WDR7: variants seen among roughly 807,000 people sequenced by gnomAD.
The protein encoded by WDR7 is WD repeat-containing protein 7.
Under a neutral mutation model 169.4 loss-of-function variants are expected in WDR7, and 46 were observed. The ratio of observed to expected loss-of-function variants is 0.27; its 90% confidence interval spans 0.21 to 0.35. The LOEUF is 0.35. WDR7 is among the 10% of genes least tolerant of loss of function. The pLI is 1.00. For missense variants in WDR7, 1,534 were observed against 1,859.3 expected, an observed-to-expected ratio of 0.83 and a Z score of 3.22; for synonymous variants, 612 against 666.8, an observed-to-expected ratio of 0.92 and a Z score of 1.27.
chr18:56,720,106 A>G (rs2026287731), intron 13 of WDR7, among the ~76,000 whole-genome samples: 1 of 152,208 alleles, frequency 6.6e-6, no homozygotes, highest in South Asian at 2.1e-4. Flanking sequence ...TATTAAAGAA[A>G]GTTCTTATAG....
chr18:56,953,247 C>A (rs763028797), intron 25 of WDR7, among the ~76,000 whole-genome samples: 6 of 152,004 alleles, frequency 3.9e-5, no homozygotes, highest in African/African-American at 1.5e-4. Context: ...ACTCAGTATA[C>A]TTATTAAAGA....
chr18:56,954,449 G>C (rs1186583480), intron 25 of WDR7, among the ~76,000 whole-genome samples: 1 of 151,964 alleles, frequency 6.6e-6, no homozygotes, highest in African/African-American at 2.4e-5. Context: ...AATTTTAAAA[G>C]AAGCTAGCAA....
At chr18:56,864,760 T>G (rs1239049025) in intron 20 of WDR7, among the ~76,000 whole-genome samples, 1 of 151,874 alleles carries the variant, frequency 6.6e-6, no homozygotes, top group Non-Finnish European at 1.5e-5. Context: ...TGAATAGCAT[T>G]GATAAAGGAA....
intron 13 of WDR7, among the ~76,000 whole-genome samples, chr18:56,729,313 T>G (rs1316215466): frequency 6.6e-6 from 1 of 152,170 alleles, no homozygotes; most frequent in Admixed American, 6.5e-5. Flanking sequence ...TTTAAAAACA[T>G]AATATGATAT....
At chr18:56,994,016 CT>C (rs35579782) in intron 26 of WDR7, among the ~76,000 whole-genome samples, 66,081 of 128,722 alleles carry the variant, frequency 0.51, 14,182 homozygotes, top group Middle Eastern at 0.67. Flanking sequence ...CTTTTTTTTT[CT>C]TTTTTTTTTT....
In WDR7 at chr18:56,706,509, G is replaced by A. The variant is rs2025958746; in HGVS notation, c.1578+10047G>A. On this transcript the variant is annotated intron_variant, in intron 12 of 27. Coordinates refer to ENST00000254442, the MANE Select transcript of WDR7 (RefSeq NM_015285.3). Reference sequence around the variant, plus strand: ...TAGCCACAATTTCTGTGAAGTGTTGGTTTAAGGTTTAGAAGTAACGCTTGG... The same window carrying A: ...TAGCCACAATTTCTGTGAAGTGTTGATTTAAGGTTTAGAAGTAACGCTTGG... 2.0e-5 allele frequency among the ~76,000 whole-genome samples: 3 copies of A among 152,176 alleles called. No homozygotes were observed. The South Asian group carries it at 6.2e-4, about 32-fold the overall frequency.
intron 27 of WDR7, among the ~76,000 whole-genome samples, chr18:57,024,784 T>C (rs867097341): frequency 3.0e-4 from 35 of 115,648 alleles, no homozygotes; most frequent in South Asian, 8.8e-4. Context: ...ATGTCCCTTA[T>C]AGAATTTCAC....
In WDR7 at chr18:56,811,056, C is replaced by T. The variant is rs184250120; in HGVS notation, c.3191-4975C>T. On this transcript the variant is annotated intron_variant, in intron 19 of 27. Transcript: ENST00000254442. ...GAATCATAAGGCATGTAATGTTTTGCGACTTCTTTTATTTAGCGTTAAAAT... is the reference window on the plus strand; with the variant it reads ...GAATCATAAGGCATGTAATGTTTTGTGACTTCTTTTATTTAGCGTTAAAAT... Among the ~76,000 whole-genome samples, 995 of 152,190 alleles carry T rather than the reference C, an allele frequency of 6.5e-3. 10 individuals carry two copies. The highest frequency in any genetic ancestry group is 0.022 in the African/African-American group (911 of 41,534).
chr18:56,732,291 G>A (rs2144810542), intron 14 of WDR7, among the ~76,000 whole-genome samples: 1 of 152,260 alleles, frequency 6.6e-6, no homozygotes. Flanking sequence ...GCACTAGTTT[G>A]TCTCTAGTAA....
chr18:56,659,276 C>A (rs1478855821), intron 1 of WDR7, among the ~76,000 whole-genome samples: 1 of 152,122 alleles, frequency 6.6e-6, no homozygotes, highest in Non-Finnish European at 1.5e-5. Context: ...AAGAAACTGC[C>A]CTGTGAAATC....
chr18:56,955,986 C>T (rs1347155389), intron 25 of WDR7, among the ~76,000 whole-genome samples: 1 of 152,104 alleles, frequency 6.6e-6, no homozygotes, highest in African/African-American at 2.4e-5. Flanking sequence ...CCTGGATAGC[C>T]CAGGAAACAT....
intron 25 of WDR7, among the ~76,000 whole-genome samples, chr18:56,951,636 C>T (rs913830492): frequency 1.3e-5 from 2 of 151,974 alleles, no homozygotes; most frequent in African/African-American, 4.8e-5. Context: ...TATATACACA[C>T]GTGATGTATA....
intron 20 of WDR7, among the ~76,000 whole-genome samples, chr18:56,842,330 C>A (rs570167511): frequency 1.3e-5 from 1 of 78,444 alleles, no homozygotes; most frequent in Non-Finnish European, 2.8e-5. Context: ...ATGTAAGGGT[C>A]GGGGGAGGGG....
intron 20 of WDR7, among the ~76,000 whole-genome samples, chr18:56,837,681 C>T (rs1051700874): frequency 3.9e-5 from 6 of 151,932 alleles, no homozygotes; most frequent in African/African-American, 9.7e-5. Context: ...TTTTTTGAGA[C>T]GGAGTTTCGC....
chr18:56,844,438 A>G (rs894054888), intron 20 of WDR7, among the ~76,000 whole-genome samples: 1 of 152,202 alleles, frequency 6.6e-6, no homozygotes, highest in Admixed American at 6.6e-5. Flanking sequence ...AAAATGATCC[A>G]TGGTGTTTAT....
rs1230997370 is a variant in WDR7, at chr18:56,816,263, G to T, written c.3304+119G>T. 7.6e-6 allele frequency: 6 copies of T among 792,076 alleles called. No homozygotes were observed. In the East Asian group the frequency reaches 1.7e-4, roughly 23 times the overall value. 49.1% of individuals were successfully genotyped at this position (792,076 alleles called of 1,614,324 possible). On this transcript the variant is annotated intron_variant, in intron 20 of 27. Coordinates refer to ENST00000254442, the MANE Select transcript of WDR7 (RefSeq NM_015285.3). ...GGAAAGGATGGAAACTTGTACTGAT[G>T]GTGTATTTAGTTTTATGAAACTGTT...
At chr18:56,982,797 A>G (rs1291306314) in intron 26 of WDR7, among the ~76,000 whole-genome samples, 7 of 152,204 alleles carry the variant, frequency 4.6e-5, no homozygotes, top group African/African-American at 1.7e-4. Flanking sequence ...ATGTTAGGTG[A>G]AAATAAAGCA....
At chr18:56,777,945 C>CA (rs2145056245) in intron 17 of WDR7, among the ~76,000 whole-genome samples, 1 of 152,202 alleles carries the variant, frequency 6.6e-6, no homozygotes, top group South Asian at 2.1e-4. Context: ...TTTGTTAATT[C>CA]AAAAAATAAG....
At chr18:57,025,434 C>T (rs1299549862) in intron 27 of WDR7, among the ~76,000 whole-genome samples, 3 of 152,112 alleles carry the variant, frequency 2.0e-5, no homozygotes, top group Admixed American at 6.5e-5. Flanking sequence ...TGATTTTTAT[C>T]TTCTGTGAAG....
Sources: allele counts gnomAD v4.1 joint callset (sites outside exome capture counted in the v4.1 genomes callset), GRCh38; gene constraint gnomAD v4.1.1; transcripts MANE v1.5; gene names NCBI Gene and HGNC (gene_info 2026-07-23, HGNC 2026-07-21).